SIVA1: variants seen among roughly 807,000 people sequenced by gnomAD.
SIVA1 encodes SIVA1 apoptosis inducing factor, also known as apoptosis regulatory protein Siva.
A neutral mutation model predicts 19.7 loss-of-function variants in SIVA1; 10 were observed. The observed-to-expected ratio is 0.51, with a 90% CI of 0.31 to 0.86. The LOEUF (loss-of-function observed/expected upper bound fraction) is 0.86, where lower values mean the gene tolerates loss of function less well. Among genes scored for constraint, SIVA1 ranks in the 40% least tolerant of loss-of-function variants. SIVA1 has a pLI of 0.04. For missense variants in SIVA1, 241 were observed against 245.2 expected, an observed-to-expected ratio of 0.98 and a Z score of 0.11; for synonymous variants, 130 against 106.1, an observed-to-expected ratio of 1.23 and a Z score of -1.39.
At chr14:104,753,595 C>G (rs994436556) in intron 1 of SIVA1, 31 of 498,304 alleles carry the variant, frequency 6.2e-5, no homozygotes, top group Non-Finnish European at 1.1e-4. Context: ...TCCACGATCC[C>G]GGTTAGTCGC....
At chr14:104,753,340 C>A (rs1161055810) in intron 1 of SIVA1, 21 bp downstream of exon 1, 5 of 1,527,134 alleles carry the variant, frequency 3.3e-6, no homozygotes, top group African/African-American at 1.4e-5. Context: ...GGCGGGCTGC[C>A]GAGGGTCCGC....
At position 104,759,643 on chromosome 14, in the gene SIVA1, T is replaced by A. The variant is rs1892020600; in HGVS notation, c.*158T>A. 4 of 559,766 alleles carry A rather than the reference T, an allele frequency of 7.1e-6. No individual in the cohort carries two copies. In the Admixed American group the frequency reaches 1.3e-4, roughly 18 times the overall value. The allele number at this position is 559,766 out of a possible 1,614,324, so 34.7% of individuals were successfully genotyped here. A position where few individuals can be genotyped will look rare whatever the true frequency, so the allele number is the denominator to read the frequency against. ...CCTAATGACAGAATGAATAAACCTC[T>A]TTATATTTGCACAAGAGGACTCTTG... On this transcript the variant is annotated 3_prime_UTR_variant, in exon 4 of 4. Coordinates refer to ENST00000329967, the MANE Select transcript of SIVA1 (RefSeq NM_006427.4). This position sits in a 1 kb window ranked among gnomAD's most constrained non-coding sequence, Gnocchi z 4.2.
At chr14:104,754,102 T>G in intron 1 of SIVA1, among the ~76,000 whole-genome samples, 1 of 152,164 alleles carries the variant, frequency 6.6e-6, no homozygotes, top group Non-Finnish European at 1.5e-5. Flanking sequence ...CTCCCAGGCC[T>G]TCTCTGGCTT....
At position 104,755,785 on chromosome 14, in the gene SIVA1, G is replaced by A. The variant is rs1207142461; in HGVS notation, c.274G>A (p.Gly92Ser). The change falls in exon 2 of 4, where the codon GGC becomes AGC. Residue 92 changes from glycine to serine, a missense_variant. Physicochemically the swap from Gly to Ser is moderately conservative, Grantham distance 56. Transcript: ENST00000329967. ...TGGGCAGATGCTGATTGGACCAGAC[G>A]GCCGCCTGATCAGGAGCCTTGGGCA... ...ARGQMLIGPD[G>S]RLIRSLGQAS... 28 of 1,613,844 alleles carry A rather than the reference G, an allele frequency of 1.7e-5. No homozygotes were observed. The highest frequency in any genetic ancestry group is 1.6e-4 in the Middle Eastern group (1 of 6,076).
At chr14:104,753,870 G>A (rs939390288) in intron 1 of SIVA1, 4 of 432,948 alleles carry the variant, frequency 9.2e-6, no homozygotes, top group African/African-American at 8.1e-5. Flanking sequence ...GTCGCCACAG[G>A]TGGTCGGGGC....
intron 3 of SIVA1, chr14:104,757,063 T>G: frequency 2.2e-6 from 1 of 447,878 alleles, no homozygotes. Flanking sequence ...TCCTCTGGTC[T>G]TTGAGCCCCC....
In SIVA1 at chr14:104,755,782, G is replaced by A. The variant is rs1437118739; in HGVS notation, c.271G>A (p.Asp91Asn). Residue 91 changes from aspartate to asparagine, a missense_variant, in exon 2 of 4, where the codon GAC (aspartate) becomes AAC (asparagine). Physicochemically the swap from Asp to Asn is conservative, Grantham distance 23. Coordinates refer to ENST00000329967, the MANE Select transcript of SIVA1 (RefSeq NM_006427.4). ...ACGTGGGCAGATGCTGATTGGACCA[G>A]ACGGCCGCCTGATCAGGAGCCTTGG... ...AARGQMLIGPDGRLIRSLGQA... is the reference protein window; with the variant it reads ...AARGQMLIGPNGRLIRSLGQA... The A allele has an allele frequency of 6.2e-7, 1 of 1,613,932 alleles. No individual in the cohort carries two copies. Among genetic ancestry groups the A allele is most frequent in the Non-Finnish European group, 8.5e-7 (1 of 1,180,034 alleles).
At position 104,756,648 on chromosome 14, in the gene SIVA1, G is replaced by A; in HGVS notation, c.358G>A (p.Ala120Thr). Reference protein sequence around the residue: ...ASIACSSCVRAVDGKAVCGQC... With the variant: ...ASIACSSCVRTVDGKAVCGQC... ...CATTGCCTGTTCCTCATGCGTGCGA[G>A]CCGTGGATGGGAAGGCGGTCTGCGG... The change falls in exon 3 of 4, where the codon GCC becomes ACC. Residue 120 changes from alanine (A) to threonine (T), a missense_variant. Transcript: ENST00000329967. 6.2e-7 allele frequency: 1 copy of A among 1,614,206 alleles called. No individual in the cohort carries two copies. Among genetic ancestry groups the A allele is most frequent in the Non-Finnish European group, 8.5e-7 (1 of 1,180,036 alleles).
rs754598033 is a variant in SIVA1 at position 104,756,690 on chromosome 14, C to A, written c.400C>A (p.Leu134Met). The change falls in exon 3 of 4, where the codon CTG becomes ATG. Residue 134 changes from leucine (L) to methionine (M), a missense_variant. By Grantham distance (15) the Leu-to-Met change is conservative. Coordinates refer to ENST00000329967, the MANE Select transcript of SIVA1 (RefSeq NM_006427.4). ...GGTCTGCGGTCAGTGTGAGCGAGCC[C>A]TGTGCGGGCAGTGTGTGCGCACCTG... is the stretch of plus-strand genomic sequence containing the variant. ...KAVCGQCERA[L>M]CGQCVRTCWG... 1.2e-6 allele frequency: 2 copies of A among 1,614,206 alleles called. No homozygotes were observed. The highest frequency in any genetic ancestry group is 1.7e-6 in the Non-Finnish European group (2 of 1,180,042).
intron 1 of SIVA1, chr14:104,754,033 G>A: frequency 3.3e-6 from 1 of 299,774 alleles, no homozygotes; most frequent in Admixed American, 3.9e-5. Flanking sequence ...GCAGGAGAGC[G>A]AAATAGGACT....
chr14:104,756,342 G>C (rs541463120), intron 2 of SIVA1: 1 of 557,514 alleles, frequency 1.8e-6, no homozygotes, highest in East Asian at 3.1e-5. Flanking sequence ...TAGCCTCCAG[G>C]TAGCAGAGGG....
At chr14:104,755,902 G>T in intron 2 of SIVA1, 78 bp downstream of exon 2, 1 of 1,391,006 alleles carries the variant, frequency 7.2e-7, no homozygotes. Flanking sequence ...TGATTTGCAA[G>T]GTCAGGCTTT....
intron 1 of SIVA1, among the ~76,000 whole-genome samples, chr14:104,754,122 G>T (rs781278900): frequency 2.0e-4 from 31 of 152,166 alleles, no homozygotes; most frequent in South Asian, 4.1e-4. Context: ...TTCTCCTGTG[G>T]ATTTCAGGCG....
At chr14:104,753,441 C>G (rs1891774787) in intron 1 of SIVA1, 122 bp downstream of exon 1, 1 of 677,276 alleles carries the variant, frequency 1.5e-6, no homozygotes. Context: ...CCCCGCGTTC[C>G]CGGAAGCTGG....
chr14:104,757,161 C>T, intron 3 of SIVA1: 1 of 337,718 alleles, frequency 3.0e-6, no homozygotes, highest in Non-Finnish European at 5.8e-6. Flanking sequence ...GGTTGTAGAC[C>T]CTCTCAGGCA....
chr14:104,755,986 C>G, intron 2 of SIVA1, 162 bp downstream of exon 2: 1 of 739,314 alleles, frequency 1.4e-6, no homozygotes, highest in Non-Finnish European at 2.4e-6. Flanking sequence ...ATCAGGAGGT[C>G]TCACATTCAA....
intron 1 of SIVA1, among the ~76,000 whole-genome samples, chr14:104,755,375 G>C (rs1891848855): frequency 6.6e-6 from 1 of 152,196 alleles, no homozygotes; most frequent in East Asian, 1.9e-4. Flanking sequence ...TCAGACACAG[G>C]TGGGGCTGCA....
chr14:104,755,502 G>A (rs895601231), intron 1 of SIVA1, 128 bp from the exon 2 acceptor site: 146 of 824,656 alleles, frequency 1.8e-4, no homozygotes, highest in Non-Finnish European at 2.7e-4. Flanking sequence ...CACAGGCTGG[G>A]GTTACTGGGA....
Position 104,756,626 on chromosome 14 carries a change from T to C in SIVA1, c.336T>C (p.Ile112=). Residue 112 remains isoleucine, a synonymous_variant, in exon 3 of 4, where the codon ATT becomes ATC. Coordinates refer to ENST00000329967, the MANE Select transcript of SIVA1 (RefSeq NM_006427.4). ...SEADPSGVAS[I]ACSSCVRAVD... Reference sequence around the variant, plus strand: ...CAGACCCATCTGGGGTAGCGTCCATTGCCTGTTCCTCATGCGTGCGAGCCG... The same window carrying C: ...CAGACCCATCTGGGGTAGCGTCCATCGCCTGTTCCTCATGCGTGCGAGCCG... 1 of 1,614,218 alleles carries C rather than the reference T, an allele frequency of 6.2e-7. No individual in the cohort carries two copies. The highest frequency in any genetic ancestry group is 2.2e-5 in the East Asian group (1 of 44,890).
Sources: allele counts gnomAD v4.1 joint callset (sites outside exome capture counted in the v4.1 genomes callset), GRCh38; gene constraint gnomAD v4.1.1; non-coding constraint Gnocchi (gnomAD v3.1); transcripts MANE v1.5; gene names NCBI Gene and HGNC (gene_info 2026-07-23, HGNC 2026-07-21).